NUBPL: variants seen among roughly 807,000 people sequenced by gnomAD.
NUBPL encodes NUBP iron-sulfur cluster assembly factor, mitochondrial, also known as iron-sulfur cluster transfer protein NUBPL.
NUBPL carries 31 observed loss-of-function variants against 45.7 expected under a neutral mutation model. The observed-to-expected ratio is 0.68, with a 90% CI of 0.51 to 0.92. The LOEUF is 0.92. NUBPL is among the 40% of genes least tolerant of loss of function. The probability of loss-of-function intolerance (pLI) is 0.00; values close to 1 mark genes in which losing one functional copy is unlikely to be tolerated. For synonymous variants in NUBPL, 144 were observed against 140.9 expected (o/e 1.02, Z -0.15); for missense variants, 401 against 398.7 (o/e 1.01, Z -0.05).
At chr14:31,621,491 G>T (rs1027301932) in intron 4 of NUBPL, among the ~76,000 whole-genome samples, 1 of 152,196 alleles carries the variant, frequency 6.6e-6, no homozygotes, top group Non-Finnish European at 1.5e-5. Flanking sequence ...GGGCTGGAGT[G>T]CACAGTTCCT....
chr14:31,740,584 T>G (rs1219061185), intron 6 of NUBPL, among the ~76,000 whole-genome samples: 1 of 152,216 alleles, frequency 6.6e-6, no homozygotes, highest in African/African-American at 2.4e-5. Context: ...TGGAAATATT[T>G]TCTCCCGGTT....
intron 7 of NUBPL, chr14:31,800,956 CA>C (rs1278861445): frequency 6.6e-6 from 1 of 152,126 alleles, no homozygotes; most frequent in Non-Finnish European, 1.5e-5. Flanking sequence ...CAACTAGTTA[CA>C]AAGGAGTGAG....
Position 31,797,587 on chromosome 14 carries a change from G to T in NUBPL, c.607+9714G>T, listed in dbSNP as rs1380547060. Among the ~76,000 whole-genome samples the T allele has an allele frequency of 1.9e-4, 8 of 42,110 alleles. No individual in the cohort carries two copies. The East Asian group carries it at 4.9e-3, about 26-fold the overall frequency. 27.6% of individuals were successfully genotyped at this position (42,110 alleles called of 152,430 possible). ...CCTTTTTTTGTTTTCCATTGGCTTG[G>T]TAGATCTTCCTCCATCCTTTTATTT... is the stretch of plus-strand genomic sequence containing the variant. On this transcript the variant is annotated intron_variant, in intron 7 of 10. Coordinates refer to ENST00000281081, the MANE Select transcript of NUBPL (RefSeq NM_025152.3).
chr14:31,676,130 C>T (rs1413132510), intron 6 of NUBPL, among the ~76,000 whole-genome samples: 26 of 151,690 alleles, frequency 1.7e-4, no homozygotes, highest in Admixed American at 1.7e-3. Context: ...TTAAGCAATT[C>T]TCCTGCCTCA....
At chr14:31,741,533 C>G (rs2038284186) in intron 6 of NUBPL, among the ~76,000 whole-genome samples, 1 of 152,130 alleles carries the variant, frequency 6.6e-6, no homozygotes, top group Admixed American at 6.5e-5. Flanking sequence ...TTCAAAATAG[C>G]TACTTCCCCC....
intron 6 of NUBPL, chr14:31,771,874 G>A (rs1206461710): frequency 2.0e-6 from 2 of 985,212 alleles, no homozygotes; most frequent in South Asian, 4.7e-5. Flanking sequence ...CAGATGGCAG[G>A]TAGGTGGAAC....
intron 4 of NUBPL, among the ~76,000 whole-genome samples, chr14:31,605,432 A>G (rs1163864773): frequency 2.0e-5 from 3 of 152,206 alleles, no homozygotes; most frequent in African/African-American, 7.2e-5. Flanking sequence ...AGTTTACTAA[A>G]ATGGATATGT....
chr14:31,811,646 T>C (rs1302146486), intron 7 of NUBPL, among the ~76,000 whole-genome samples: 1 of 152,244 alleles, frequency 6.6e-6, no homozygotes, highest in Non-Finnish European at 1.5e-5. Flanking sequence ...TTCTTTGTCC[T>C]GCTTTGTTCC....
intron 3 of NUBPL, among the ~76,000 whole-genome samples, chr14:31,594,674 G>T (rs2034236380): frequency 6.6e-6 from 1 of 152,008 alleles, no homozygotes; most frequent in African/African-American, 2.4e-5. Context: ...TTAACCATTA[G>T]CTCTTCTGAC....
chr14:31,771,652 C>G (rs1253318252), intron 6 of NUBPL, among the ~76,000 whole-genome samples: 1 of 152,156 alleles, frequency 6.6e-6, no homozygotes, highest in East Asian at 1.9e-4. Flanking sequence ...CTTCTCTAAT[C>G]CTCAGTATTT....
At chr14:31,809,579 AT>A (rs1299893388) in intron 7 of NUBPL, among the ~76,000 whole-genome samples, 1 of 151,984 alleles carries the variant, frequency 6.6e-6, no homozygotes, top group Non-Finnish European at 1.5e-5. Flanking sequence ...TCCTGGATTC[AT>A]TGATTTTTTG....
intron 7 of NUBPL, among the ~76,000 whole-genome samples, chr14:31,803,484 C>T (rs2039630055): frequency 1.3e-5 from 2 of 152,090 alleles, no homozygotes; most frequent in African/African-American, 4.8e-5. Flanking sequence ...CTAAAAATAA[C>T]TTTGCACCTT....
intron 6 of NUBPL, among the ~76,000 whole-genome samples, chr14:31,675,136 C>CA (rs373044954): frequency 0.26 from 29,323 of 111,566 alleles, 7,656 homozygotes; most frequent in African/African-American, 0.65. Context: ...GACTCCGTCT[C>CA]AAAAAAAAAA....
intron 7 of NUBPL, among the ~76,000 whole-genome samples, chr14:31,816,550 G>A (rs1206354027): frequency 2.0e-5 from 3 of 151,920 alleles, no homozygotes; most frequent in Non-Finnish European, 4.4e-5. Flanking sequence ...TCTGATCTTA[G>A]TTATTTCTTG....
chr14:31,681,506 C>T (rs2036833682), intron 6 of NUBPL, among the ~76,000 whole-genome samples: 2 of 151,172 alleles, frequency 1.3e-5, no homozygotes, highest in South Asian at 4.2e-4. Flanking sequence ...GACTTTTCAC[C>T]CTTAGACGTT....
intron 4 of NUBPL, among the ~76,000 whole-genome samples, chr14:31,663,378 T>C (rs1157983812): frequency 6.6e-6 from 1 of 152,184 alleles, no homozygotes; most frequent in African/African-American, 2.4e-5. Context: ...TTAGGTCTTA[T>C]ATTTAAGTCT....
chr14:31,698,785 T>C (rs1370725754), intron 6 of NUBPL, among the ~76,000 whole-genome samples: 1 of 152,166 alleles, frequency 6.6e-6, no homozygotes, highest in African/African-American at 2.4e-5. Flanking sequence ...TCACTACTTA[T>C]TTTTCGTATT....
intron 6 of NUBPL, among the ~76,000 whole-genome samples, chr14:31,780,669 A>G (rs1433877954): frequency 6.6e-6 from 1 of 152,206 alleles, no homozygotes; most frequent in East Asian, 1.9e-4. Context: ...GTCTTAATTA[A>G]TAATTTTGGA....
intron 4 of NUBPL, among the ~76,000 whole-genome samples, chr14:31,653,019 A>G (rs547375155): frequency 1.3e-5 from 2 of 152,290 alleles, no homozygotes; most frequent in South Asian, 4.1e-4. Context: ...GGTTTTTATC[A>G]AGGACTTCAA....
Sources: gnomAD v4.1 joint callset for allele counts (sites outside exome capture counted in the v4.1 genomes callset) on GRCh38, gnomAD v4.1.1 for gene constraint, MANE v1.5 for transcripts, NCBI Gene and HGNC (gene_info 2026-07-23, HGNC 2026-07-21) for gene names.